The following SLC24A2 variants were observed in gnomAD, a reference collection of about 807,000 sequenced individuals.
The protein encoded by SLC24A2 is sodium/potassium/calcium exchanger 2.
A neutral mutation model predicts 62.0 loss-of-function variants in SLC24A2; 36 were observed. The ratio of observed to expected loss-of-function variants is 0.58; its 90% CI spans 0.44 to 0.77. The LOEUF (loss-of-function observed/expected upper bound fraction) is 0.77. Among genes scored for constraint, SLC24A2 ranks in the 30% least tolerant of loss-of-function variants. The pLI is 0.00. For synonymous variants in SLC24A2, 358 were observed against 294.0 expected (o/e 1.22, Z -2.23); for missense variants, 846 against 817.9 (o/e 1.03, Z -0.42).
intron 8 of SLC24A2, among the ~76,000 whole-genome samples, chr9:19,541,978 G>A (rs537270196): frequency 2.4e-4 from 36 of 152,294 alleles, no homozygotes; most frequent in Non-Finnish European, 5.0e-4. Context: ...TCCAGGTGCC[G>A]TCTGTCACCC....
the SLC24A2 span, among the ~76,000 whole-genome samples, chr9:19,805,232 C>T: frequency 2.6e-5 from 4 of 152,104 alleles, no homozygotes; most frequent in African/African-American, 9.7e-5. Context: ...TTGACTTACC[C>T]TCTTTAGCTG....
the SLC24A2 span, among the ~76,000 whole-genome samples, chr9:20,175,303 G>A: frequency 5.3e-5 from 8 of 151,886 alleles, no homozygotes; most frequent in African/African-American, 1.9e-4. Context: ...CAGATGATGT[G>A]TGCACCAAAA....
At chr9:19,608,408 C>T (rs1169193341) in intron 4 of SLC24A2, among the ~76,000 whole-genome samples, 1 of 151,578 alleles carries the variant, frequency 6.6e-6, no homozygotes, top group African/African-American at 2.4e-5. Context: ...ACAGTTTAAT[C>T]TTAGTGTCAG....
intron 8 of SLC24A2, among the ~76,000 whole-genome samples, chr9:19,533,673 T>C (rs1380011276): frequency 6.6e-6 from 1 of 152,182 alleles, no homozygotes. Flanking sequence ...AGCCATTAAC[T>C]GAGCACCACT....
chr9:19,958,428 C>G, the SLC24A2 span, among the ~76,000 whole-genome samples: 1 of 152,210 alleles, frequency 6.6e-6, no homozygotes, highest in South Asian at 2.1e-4. Context: ...GGGATTCCTG[C>G]AACCCAAGCT....
intron 2 of SLC24A2, among the ~76,000 whole-genome samples, chr9:19,641,336 T>C (rs529574543): frequency 6.6e-6 from 1 of 152,216 alleles, no homozygotes; most frequent in Admixed American, 6.5e-5. Flanking sequence ...AACATGCATA[T>C]CCAATTCCAA....
chr9:19,674,451 C>A (rs778726182), intron 2 of SLC24A2, among the ~76,000 whole-genome samples: 5 of 152,212 alleles, frequency 3.3e-5, no homozygotes, highest in African/African-American at 1.2e-4. Context: ...ATTATCCCCT[C>A]AAATATGTTT....
the SLC24A2 span, among the ~76,000 whole-genome samples, chr9:19,978,034 C>T: frequency 6.6e-6 from 1 of 152,126 alleles, no homozygotes; most frequent in Admixed American, 6.6e-5. Flanking sequence ...GTCTTGGTAA[C>T]TTACATTTCC....
the SLC24A2 span, among the ~76,000 whole-genome samples, chr9:20,143,879 G>A: frequency 9.6e-4 from 146 of 152,252 alleles, 3 homozygotes; most frequent in African/African-American, 3.3e-3. Flanking sequence ...TTGATGGTGC[G>A]TTATCATAAC....
At chr9:19,787,728 T>C in intron 1 of SLC24A2, among the ~76,000 whole-genome samples, 1 of 151,226 alleles carries the variant, frequency 6.6e-6, no homozygotes, top group East Asian at 1.9e-4. Flanking sequence ...CAGCTAAATA[T>C]TTTTTTTAAA....
the SLC24A2 span, among the ~76,000 whole-genome samples, chr9:20,061,324 G>A: frequency 1.3e-5 from 2 of 150,248 alleles, no homozygotes. Context: ...TCACTCTGTT[G>A]CCCAGGCTGG....
At chr9:20,096,249 G>C in the SLC24A2 span, among the ~76,000 whole-genome samples, 2 of 152,146 alleles carry the variant, frequency 1.3e-5, no homozygotes, top group African/African-American at 4.8e-5. Flanking sequence ...TTGTATCATA[G>C]TATTACCAGG....
chr9:19,777,380 T>C (rs1052649377), intron 2 of SLC24A2, among the ~76,000 whole-genome samples: 3 of 152,210 alleles, frequency 2.0e-5, no homozygotes, highest in African/African-American at 4.8e-5. Flanking sequence ...TATGTAGCAA[T>C]GTGGCAGAAA....
At chr9:19,615,408 G>T (rs569687505) in intron 4 of SLC24A2, among the ~76,000 whole-genome samples, 1 of 152,334 alleles carries the variant, frequency 6.6e-6, no homozygotes, top group South Asian at 2.1e-4. Context: ...GAAGGTGACA[G>T]TTTGGCACAA....
In SLC24A2 at chr9:19,603,325, G is replaced by A. The variant is rs192177498; in HGVS notation, c.1079-6046C>T. Among the ~76,000 whole-genome samples the A allele has an allele frequency of 1.6e-3, 246 of 152,076 alleles. 1 individual carries two copies. The highest frequency in any genetic ancestry group is 5.6e-3 in the African/African-American group (233 of 41,486). On this transcript the variant is annotated intron_variant, in intron 4 of 10. Coordinates refer to ENST00000341998, the MANE Select transcript of SLC24A2 (RefSeq NM_020344.4). ...ATTAAATCCTATCAATTCTGGGCTGGGGGTTACAAACACATTTATTACCCA... is the reference window on the plus strand; with the variant it reads ...ATTAAATCCTATCAATTCTGGGCTGAGGGTTACAAACACATTTATTACCCA...
At chr9:20,032,356 AAAG>A in the SLC24A2 span, among the ~76,000 whole-genome samples, 1 of 152,250 alleles carries the variant, frequency 6.6e-6, no homozygotes, top group African/African-American at 2.4e-5. Context: ...TTTGCAGGGA[AAAG>A]AAGGATGATG....
chr9:20,225,169 A>ATTTTTT, the SLC24A2 span, among the ~76,000 whole-genome samples: 1 of 152,068 alleles, frequency 6.6e-6, no homozygotes, highest in African/African-American at 2.4e-5. Flanking sequence ...AAGGGTACAT[A>ATTTTTT]TTTTTAAGTG....
At chr9:19,562,042 G>C (rs1009143238) in intron 7 of SLC24A2, among the ~76,000 whole-genome samples, 10 of 152,172 alleles carry the variant, frequency 6.6e-5, no homozygotes, top group Non-Finnish European at 1.0e-4. Flanking sequence ...GGTTTCTGAA[G>C]AGTCTGGTGA....
At chr9:19,810,398 A>G in the SLC24A2 span, among the ~76,000 whole-genome samples, 1 of 152,234 alleles carries the variant, frequency 6.6e-6, no homozygotes, top group Non-Finnish European at 1.5e-5. Flanking sequence ...TCTTTTTAAA[A>G]GAAAAACCTG....
Sources: allele counts gnomAD v4.1 joint callset (sites outside exome capture counted in the v4.1 genomes callset), GRCh38; gene constraint gnomAD v4.1.1; transcripts MANE v1.5; gene names NCBI Gene and HGNC (gene_info 2026-07-23, HGNC 2026-07-21).